Variants in PARD3 observed in about 807,000 individuals in gnomAD.
The protein encoded by PARD3 is par-3 family cell polarity regulator.
PARD3 carries 75 observed loss-of-function variants against 155.4 expected under a neutral mutation model. That is an observed-to-expected ratio of 0.48 (90% CI 0.40 to 0.58). The LOEUF (loss-of-function observed/expected upper bound fraction) is 0.58, where lower values mean the gene tolerates loss of function less well. Among genes scored for constraint, PARD3 ranks in the 20% least tolerant of loss-of-function variants. PARD3 has a pLI of 0.00. For missense variants in PARD3, 1,642 were observed against 1,721.7 expected (o/e 0.95, Z 0.82); for synonymous variants, 576 against 610.5 (o/e 0.94, Z 0.83).
chr10:34,699,673 AT>A (rs1387223324), intron 1 of PARD3, among the ~76,000 whole-genome samples: 1 of 152,174 alleles, frequency 6.6e-6, no homozygotes, highest in African/African-American at 2.4e-5. Flanking sequence ...TGAGCAAAAA[AT>A]TGTGATAAGG....
At chr10:34,643,271 C>T (rs188801599) in intron 2 of PARD3, among the ~76,000 whole-genome samples, 1 of 152,348 alleles carries the variant, frequency 6.6e-6, no homozygotes, top group East Asian at 1.9e-4. Context: ...TTCTGTGGTA[C>T]AACTTCAGCT....
At chr10:34,711,023 A>C (rs922349629) in intron 1 of PARD3, among the ~76,000 whole-genome samples, 1 of 152,112 alleles carries the variant, frequency 6.6e-6, no homozygotes, top group Non-Finnish European at 1.5e-5. Context: ...AAAGCAATTA[A>C]AAATTAGCCA....
At chr10:34,355,668 C>T (rs1032493656) in intron 14 of PARD3, among the ~76,000 whole-genome samples, 1 of 152,044 alleles carries the variant, frequency 6.6e-6, no homozygotes, top group African/African-American at 2.4e-5. Flanking sequence ...GTGGCTCACG[C>T]CTGTAATTCC....
intron 7 of PARD3, among the ~76,000 whole-genome samples, chr10:34,395,335 G>A (rs937538126): frequency 6.6e-6 from 1 of 151,992 alleles, no homozygotes; most frequent in African/African-American, 2.4e-5. Context: ...GCGCCCAGCC[G>A]ATGGTTCTCA....
At chr10:34,770,603 A>G (rs1422891870) in intron 1 of PARD3, among the ~76,000 whole-genome samples, 1 of 152,214 alleles carries the variant, frequency 6.6e-6, no homozygotes, top group Non-Finnish European at 1.5e-5. Flanking sequence ...GTCCCGGCAG[A>G]GCAGAAAACG....
At chr10:34,679,840 A>G (rs1352772821) in intron 2 of PARD3, among the ~76,000 whole-genome samples, 1 of 152,156 alleles carries the variant, frequency 6.6e-6, no homozygotes, top group Admixed American at 6.5e-5. Context: ...GAAATCACCA[A>G]ATCAGACACC....
At chr10:34,351,636 A>C (rs2134406044) in intron 14 of PARD3, among the ~76,000 whole-genome samples, 1 of 152,358 alleles carries the variant, frequency 6.6e-6, no homozygotes, top group South Asian at 2.1e-4. Flanking sequence ...CAAGAACCAG[A>C]AATGTGAGGT....
intron 3 of PARD3, among the ~76,000 whole-genome samples, chr10:34,474,073 G>GA (rs2078538459): frequency 6.6e-6 from 1 of 152,140 alleles, no homozygotes; most frequent in African/African-American, 2.4e-5. Flanking sequence ...CCTTAGGTGG[G>GA]AAGATCACTT....
At chr10:34,220,266 C>T (rs950587937) in intron 22 of PARD3, among the ~76,000 whole-genome samples, 10 of 152,026 alleles carry the variant, frequency 6.6e-5, no homozygotes, top group Non-Finnish European at 1.3e-4. Flanking sequence ...ACCACAGAGA[C>T]GATAGGGAGT....
chr10:34,550,155 CA>C (rs2084423312), intron 2 of PARD3, among the ~76,000 whole-genome samples: 2 of 152,194 alleles, frequency 1.3e-5, no homozygotes, highest in African/African-American at 4.8e-5. Flanking sequence ...GCTGGATGCA[CA>C]CATGCATGGT....
At chr10:34,630,578 TA>T (rs2092218808) in intron 2 of PARD3, among the ~76,000 whole-genome samples, 1 of 149,084 alleles carries the variant, frequency 6.7e-6, no homozygotes, top group East Asian at 2.0e-4. Context: ...CCTCCTGGAG[TA>T]ACTGGGGACT....
intron 6 of PARD3, among the ~76,000 whole-genome samples, chr10:34,401,006 G>A (rs545532934): frequency 5.9e-5 from 9 of 152,208 alleles, no homozygotes; most frequent in East Asian, 3.9e-4. Flanking sequence ...AATACTCAGC[G>A]TGCTGGCTGC....
intron 5 of PARD3, among the ~76,000 whole-genome samples, chr10:34,421,221 AT>A (rs1410202456): frequency 6.6e-6 from 1 of 151,992 alleles, no homozygotes; most frequent in Non-Finnish European, 1.5e-5. Context: ...TTCCAAAATG[AT>A]CCCAAGGAAA....
intron 1 of PARD3, among the ~76,000 whole-genome samples, chr10:34,744,396 T>C (rs1835044379): frequency 6.6e-6 from 1 of 152,222 alleles, no homozygotes; most frequent in Non-Finnish European, 1.5e-5. Flanking sequence ...TCGTTTATGA[T>C]TTACCTTCCA....
intron 3 of PARD3, among the ~76,000 whole-genome samples, chr10:34,494,143 G>A (rs1240755134): frequency 6.6e-6 from 1 of 152,166 alleles, no homozygotes; most frequent in African/African-American, 2.4e-5. Context: ...CAGCACTACA[G>A]GATTATGTAG....
chr10:34,595,576 A>G (rs1208975384), intron 2 of PARD3, among the ~76,000 whole-genome samples: 1 of 152,186 alleles, frequency 6.6e-6, no homozygotes, highest in African/African-American at 2.4e-5. Flanking sequence ...GATTCTTTTC[A>G]GTCAGTCCCA....
intron 4 of PARD3, among the ~76,000 whole-genome samples, chr10:34,466,558 A>G (rs1225567815): frequency 6.6e-6 from 1 of 152,196 alleles, no homozygotes; most frequent in Non-Finnish European, 1.5e-5. Flanking sequence ...TAAGAATGTT[A>G]ACTTATTTTA....
chr10:34,130,904 C>T (rs530325052), intron 23 of PARD3, among the ~76,000 whole-genome samples: 1 of 152,128 alleles, frequency 6.6e-6, no homozygotes, highest in East Asian at 1.9e-4. Context: ...CTACAAAAAA[C>T]TAAAAAATTA....
intron 1 of PARD3, among the ~76,000 whole-genome samples, chr10:34,719,576 G>C (rs1367898652): frequency 4.6e-5 from 7 of 152,132 alleles, no homozygotes; most frequent in Non-Finnish European, 2.9e-5. Flanking sequence ...AAACATGTTT[G>C]TATGCATGCA....
Sources: allele counts gnomAD v4.1 joint callset (sites outside exome capture counted in the v4.1 genomes callset), GRCh38; gene constraint gnomAD v4.1.1; transcripts MANE v1.5; gene names NCBI Gene and HGNC (gene_info 2026-07-23, HGNC 2026-07-21).